The following TCF3 variants were observed in gnomAD, a reference collection of about 807,000 sequenced individuals.
The protein encoded by TCF3 is transcription factor 3.
TCF3 carries 54 observed loss-of-function variants against 72.3 expected under a neutral mutation model. The ratio of observed to expected loss-of-function variants is 0.75; its 90% CI spans 0.60 to 0.94. The LOEUF (loss-of-function observed/expected upper bound fraction) is 0.94, where lower values mean the gene tolerates loss of function less well. Ranked by LOEUF, TCF3 falls within the 40% of genes least tolerant of loss-of-function variation. The pLI, the probability that TCF3 is intolerant of heterozygous loss-of-function variation, is 0.00. For missense variants in TCF3, 1,078 were observed against 934.4 expected (o/e 1.15, Z -2.00); for synonymous variants, 525 against 412.6 (o/e 1.27, Z -3.30).
intron 3 of TCF3, among the ~76,000 whole-genome samples, chr19:1,646,036 G>A (rs944221174): frequency 6.6e-6 from 1 of 152,034 alleles, no homozygotes; most frequent in Non-Finnish European, 1.5e-5. Context: ...ACGGATGCTC[G>A]AGATCCCCAC....
At chr19:1,635,954 T>G (rs1468439339) in intron 3 of TCF3, among the ~76,000 whole-genome samples, 4 of 152,162 alleles carry the variant, frequency 2.6e-5, no homozygotes, top group South Asian at 4.1e-4. Flanking sequence ...AGCCCGTGCC[T>G]CGCCCCGTCT....
At chr19:1,641,641 C>T (rs1248557566) in intron 3 of TCF3, among the ~76,000 whole-genome samples, 3 of 152,062 alleles carry the variant, frequency 2.0e-5, no homozygotes, top group Non-Finnish European at 2.9e-5. Context: ...TTAGCAGAGA[C>T]GGGGTTTCGC....
At chr19:1,646,460 C>A (rs1281105310) in intron 2 of TCF3, 33 bp from the exon 3 acceptor site, 4 of 1,347,438 alleles carry the variant, frequency 3.0e-6, no homozygotes, top group Admixed American at 4.0e-5. Flanking sequence ...GTGAGCGGGG[C>A]GGGTGGCAAA....
At chr19:1,613,697 A>G (rs976018852) in intron 18 of TCF3, among the ~76,000 whole-genome samples, 18 of 151,920 alleles carry the variant, frequency 1.2e-4, no homozygotes, top group African/African-American at 3.4e-4. Context: ...GGAGCAAACC[A>G]GCTCCCATCC....
intron 3 of TCF3, among the ~76,000 whole-genome samples, chr19:1,644,989 G>A (rs955208600): frequency 4.6e-5 from 7 of 152,238 alleles, no homozygotes; most frequent in African/African-American, 7.2e-5. Context: ...GCAGGGTGGC[G>A]TTTGGGGATT....
chr19:1,619,924 G>T, intron 13 of TCF3, 71 bp from the exon 14 acceptor site: 1 of 1,341,734 alleles, frequency 7.5e-7, no homozygotes, highest in Non-Finnish European at 1.0e-6. Context: ...CCCATGGGGA[G>T]GGATTCATGA....
rs1363582350 is a variant in TCF3 at position 1,609,310 on chromosome 19, G to C, written c.*2397C>G. 52 of 187,546 alleles carry C rather than the reference G, an allele frequency of 2.8e-4. No individual in the cohort carries two copies. The highest frequency in any genetic ancestry group is 3.4e-5 in the Non-Finnish European group (3 of 89,008). The allele number at this position is 187,546 out of a possible 1,614,324, so 11.6% of individuals were successfully genotyped here. On this transcript the variant is annotated 3_prime_UTR_variant, in exon 19 of 19. Coordinates refer to ENST00000262965, the MANE Select transcript of TCF3 (RefSeq NM_003200.5). ...GCAGGGCATCGTTATAAAATGTCAC[G>C]TTTATTGCTACAGTGCTGTTATATA...
intron 2 of TCF3, 54 bp downstream of exon 2, chr19:1,650,123 C>G: frequency 6.7e-7 from 1 of 1,497,482 alleles, no homozygotes; most frequent in Non-Finnish European, 9.0e-7. Flanking sequence ...AAAACCTTCC[C>G]GTGAACTGTG....
At chr19:1,616,941 G>C (rs905159627) in intron 16 of TCF3, among the ~76,000 whole-genome samples, 1 of 152,046 alleles carries the variant, frequency 6.6e-6, no homozygotes. Flanking sequence ...CAATGGGAAA[G>C]GACAAAAAGA....
intron 8 of TCF3, among the ~76,000 whole-genome samples, chr19:1,622,758 C>A (rs929994861): frequency 6.6e-6 from 1 of 152,180 alleles, no homozygotes; most frequent in African/African-American, 2.4e-5. Context: ...AGCTCCAACA[C>A]CCCATCCCAT....
intron 5 of TCF3, among the ~76,000 whole-genome samples, chr19:1,627,639 G>A (rs964010529): frequency 6.6e-6 from 1 of 152,172 alleles, no homozygotes; most frequent in Admixed American, 6.5e-5. Flanking sequence ...TGCCCTCAGT[G>A]TGCCCATCTC....
chr19:1,620,361 G>A (rs950307168), intron 13 of TCF3, among the ~76,000 whole-genome samples: 6 of 151,956 alleles, frequency 3.9e-5, no homozygotes, highest in Admixed American at 6.5e-5. Flanking sequence ...ACCTGCCCCC[G>A]ACCCCCTGCG....
intron 14 of TCF3, 112 bp downstream of exon 14, chr19:1,619,668 C>T (rs1468489805): frequency 1.6e-6 from 2 of 1,283,052 alleles, no homozygotes; most frequent in Non-Finnish European, 2.1e-6. Context: ...GCCTCAATAA[C>T]AGCTTGGGGC....
In TCF3 at chr19:1,610,940, C is replaced by CGGGGGGGG. The variant is rs1395665155; in HGVS notation, c.*766_*767insCCCCCCCC. 2.2e-5 allele frequency: 1 copy of CGGGGGGGG among 46,468 alleles called. No homozygotes were observed. Among genetic ancestry groups the CGGGGGGGG allele is most frequent in the African/African-American group, 1.2e-4 (1 of 8,478 alleles). The allele number at this position is 46,468 out of a possible 1,614,324, so 2.9% of individuals were successfully genotyped here. ...AGTGGCTTCCGGGGGGGGGGGGGGA[C>CGGGGGGGG]GGGGGGGCTCAGGTTTACACGGGGT... is the stretch of plus-strand genomic sequence containing the variant. On this transcript the variant is annotated 3_prime_UTR_variant, in exon 19 of 19. Transcript: ENST00000262965.
intron 3 of TCF3, among the ~76,000 whole-genome samples, chr19:1,641,208 A>G (rs1010671826): frequency 1.3e-5 from 2 of 152,186 alleles, no homozygotes; most frequent in Non-Finnish European, 2.9e-5. Context: ...AAGAAAAAAA[A>G]AAGATACAGC....
chr19:1,652,330 G>C lies in TCF3; in HGVS notation c.-70C>G, dbSNP rs1163538577. The stretch of plus-strand genomic sequence containing the variant: ...GGGCGCGGCCGGGCACGCGGCGCGT[G>C]GGGGGGGGCGGCGGCATGAAGCGGG... On this transcript the variant is annotated 5_prime_UTR_variant, in exon 1 of 19. Coordinates refer to ENST00000262965, the MANE Select transcript of TCF3 (RefSeq NM_003200.5). 2 of 137,868 alleles carry C rather than the reference G, an allele frequency of 1.5e-5. No individual in the cohort carries two copies. The highest frequency in any genetic ancestry group is 1.4e-4 in the Admixed American group (2 of 14,270). 8.5% of individuals were successfully genotyped at this position (137,868 alleles called of 1,614,324 possible).
intron 8 of TCF3, among the ~76,000 whole-genome samples, 163 bp from the exon 9 acceptor site, chr19:1,622,578 G>C (rs577172320): frequency 2.6e-5 from 4 of 152,138 alleles, no homozygotes; most frequent in African/African-American, 9.6e-5. Flanking sequence ...CCCTGGCCAA[G>C]TTTGAGGTTC....
rs2060914189 is a variant in TCF3, at chr19:1,610,637, C to G, written c.*1070G>C. On this transcript the variant is annotated 3_prime_UTR_variant, in exon 19 of 19. Transcript: ENST00000262965. ...GAGCTGTGCAGGTTCCAAGGGAGAG[C>G]AGCTTAGGGGGGCCTGGGGAGGGCG... 4.3e-6 allele frequency: 1 copy of G among 230,808 alleles called. No individual in the cohort carries two copies. Among genetic ancestry groups the G allele is most frequent in the Admixed American group, 5.6e-5 (1 of 17,712 alleles). 14.3% of individuals were successfully genotyped at this position (230,808 alleles called of 1,614,324 possible). A position where few individuals can be genotyped will look rare whatever the true frequency, so the allele number is the denominator to read the frequency against.
Position 1,619,924 on chromosome 19 carries a change from G to A in TCF3, c.1094-71C>T, listed in dbSNP as rs1005829151. On this transcript the variant is annotated intron_variant, in intron 13 of 18. Transcript: ENST00000262965. ...GAGCATGGCCTGATGCCCATGGGGA[G>A]GGATTCATGAACCACCCCGCCTGTC... 5.2e-6 allele frequency: 7 copies of A among 1,341,618 alleles called. No individual in the cohort carries two copies. The African/African-American group carries it at 5.8e-5, about 11-fold the overall frequency. 83.1% of individuals were successfully genotyped at this position (1,341,618 alleles called of 1,614,324 possible). A position where few individuals can be genotyped will look rare whatever the true frequency, so the allele number is the denominator to read the frequency against.
Sources: allele counts gnomAD v4.1 joint callset (sites outside exome capture counted in the v4.1 genomes callset), GRCh38; gene constraint gnomAD v4.1.1; transcripts MANE v1.5; gene names NCBI Gene and HGNC (gene_info 2026-07-23, HGNC 2026-07-21).